PRDM16: variants seen among roughly 807,000 people sequenced by gnomAD.
PRDM16 encodes PR/SET domain 16.
In PRDM16, 23 loss-of-function variants were observed where a neutral mutation model predicts 110.6. That is an observed-to-expected ratio of 0.21 (90% CI 0.15 to 0.29). The LOEUF (loss-of-function observed/expected upper bound fraction) is 0.29. PRDM16 is among the 10% of genes least tolerant of loss of function. The probability of loss-of-function intolerance (pLI) is 1.00; values close to 1 mark genes in which losing one functional copy is unlikely to be tolerated. For missense variants in PRDM16, 1,615 were observed against 1,794.3 expected, an observed-to-expected ratio of 0.90 and a Z score of 1.81; for synonymous variants, 799 against 781.8, an observed-to-expected ratio of 1.02 and a Z score of -0.37.
intron 3 of PRDM16, among the ~76,000 whole-genome samples, chr1:3,296,367 G>A (rs60005551): frequency 0.19 from 29,153 of 152,144 alleles, 2,927 homozygotes; most frequent in East Asian, 0.32. Flanking sequence ...ACATAAACCC[G>A]TCCATTCTCC....
intron 2 of PRDM16, among the ~76,000 whole-genome samples, chr1:3,215,551 C>G (rs906736424): frequency 6.6e-6 from 1 of 152,050 alleles, no homozygotes; most frequent in Non-Finnish European, 1.5e-5. Flanking sequence ...AGCCAGCAAC[C>G]TGGCTGCAGC....
intron 1 of PRDM16, among the ~76,000 whole-genome samples, chr1:3,105,206 G>A (rs1470618998): frequency 6.6e-6 from 1 of 152,158 alleles, no homozygotes; most frequent in Non-Finnish European, 1.5e-5. Flanking sequence ...CTGGTGTCCT[G>A]AGGGCTTAGA....
In PRDM16 at chr1:3,265,255, T is replaced by C. The variant is rs1282709695; in HGVS notation, c.438+21118T>C. 9.9e-5 allele frequency among the ~76,000 whole-genome samples: 15 copies of C among 152,042 alleles called. No homozygotes were observed. Among genetic ancestry groups the C allele is most frequent in the Admixed American group, 2.0e-4 (3 of 15,272 alleles). On this transcript the variant is annotated intron_variant, in intron 3 of 16. Coordinates refer to ENST00000270722, the MANE Select transcript of PRDM16 (RefSeq NM_022114.4). The surrounding 1 kb of genome is among the most constrained non-coding windows in gnomAD (Gnocchi z 4.5). ...CATGGCTTGACAACAGCTTGTCCCT[T>C]ACGGTTGGGACAGAAGCCTCAGGGT...
intron 3 of PRDM16, among the ~76,000 whole-genome samples, chr1:3,294,283 G>C (rs911016294): frequency 6.6e-6 from 1 of 152,160 alleles, no homozygotes; most frequent in Non-Finnish European, 1.5e-5. Context: ...TGGAGTGGGG[G>C]TGTATCCAGG....
intron 12 of PRDM16, among the ~76,000 whole-genome samples, chr1:3,422,833 G>A (rs1347023426): frequency 6.6e-6 from 1 of 152,244 alleles, no homozygotes; most frequent in South Asian, 2.1e-4. Context: ...CCAAGCCAGG[G>A]CGCTGCCTGT....
Position 3,234,766 on chromosome 1 carries a change from C to T in PRDM16, c.388-9321C>T, listed in dbSNP as rs564771377. Among the ~76,000 whole-genome samples, 121 of 152,348 alleles carry T rather than the reference C, an allele frequency of 7.9e-4. 1 individual carries two copies. Among genetic ancestry groups the T allele is most frequent in the Middle Eastern group, 6.8e-3 (2 of 294 alleles). On this transcript the variant is annotated intron_variant, in intron 2 of 16. Transcript: ENST00000270722. ...AGCTCCCATTTTCCACTCACTGACT[C>T]ATGATTTATTATTCGGTAAATGCCA...
At chr1:3,095,630 A>T (rs1642378378) in intron 1 of PRDM16, among the ~76,000 whole-genome samples, 1 of 152,068 alleles carries the variant, frequency 6.6e-6, no homozygotes, top group Admixed American at 6.5e-5. Flanking sequence ...CAGATGCCCT[A>T]GGGACCCCTG....
chr1:3,407,680 G>A (rs900660736), intron 8 of PRDM16, among the ~76,000 whole-genome samples: 4 of 152,212 alleles, frequency 2.6e-5, no homozygotes, highest in East Asian at 1.9e-4. Context: ...GCCTGCAGAC[G>A]AGCGTTCTAA....
intron 3 of PRDM16, among the ~76,000 whole-genome samples, chr1:3,253,423 T>C (rs1474285987): frequency 6.9e-6 from 1 of 144,724 alleles, no homozygotes; most frequent in African/African-American, 2.6e-5. Context: ...GTGTTTTTAT[T>C]GTTCAATTCC....
intron 1 of PRDM16, among the ~76,000 whole-genome samples, chr1:3,136,484 C>T (rs1216655989): frequency 6.6e-6 from 1 of 152,178 alleles, no homozygotes; most frequent in Admixed American, 6.5e-5. Flanking sequence ...CACTGTTTCC[C>T]TGAATTACAG....
chr1:3,126,057 G>A (rs930105630), intron 1 of PRDM16, among the ~76,000 whole-genome samples: 2 of 152,214 alleles, frequency 1.3e-5, no homozygotes, highest in Non-Finnish European at 2.9e-5. Context: ...GGGCTGGCTC[G>A]TCCTTAGGTA....
At chr1:3,411,241 C>A (rs57382922) in intron 8 of PRDM16, 143 bp from the exon 9 acceptor site, 1 of 748,194 alleles carries the variant, frequency 1.3e-6, no homozygotes, top group Non-Finnish European at 2.2e-6. Flanking sequence ...CCCATGCCCA[C>A]GCACATGCAC....
intron 1 of PRDM16, among the ~76,000 whole-genome samples, chr1:3,098,662 C>T (rs543770959): frequency 1.3e-5 from 2 of 152,322 alleles, no homozygotes; most frequent in South Asian, 4.1e-4. Flanking sequence ...GCCTCAGTTT[C>T]TCTGGGGGAT....
Position 3,175,137 on chromosome 1 carries a change from G to A in PRDM16, c.38-10988G>A, listed in dbSNP as rs1242308638. ...AAAGCCAAGATCCAGGGCGAGGGGAGAAGCTATTGCCTTTACCGCACAGTT... is the reference window on the plus strand; with the variant it reads ...AAAGCCAAGATCCAGGGCGAGGGGAAAAGCTATTGCCTTTACCGCACAGTT... On this transcript the variant is annotated intron_variant, in intron 1 of 16. Coordinates refer to ENST00000270722, the MANE Select transcript of PRDM16 (RefSeq NM_022114.4). The surrounding 1 kb of genome is among the most constrained non-coding windows in gnomAD (Gnocchi z 4.8). 6.6e-6 allele frequency among the ~76,000 whole-genome samples: 1 copy of A among 152,200 alleles called. No individual in the cohort carries two copies. The highest frequency in any genetic ancestry group is 1.5e-5 in the Non-Finnish European group (1 of 68,038).
At chr1:3,283,106 C>T (rs975227074) in intron 3 of PRDM16, among the ~76,000 whole-genome samples, 20 of 152,190 alleles carry the variant, frequency 1.3e-4, no homozygotes, top group African/African-American at 4.8e-4. Flanking sequence ...CTGCCCCTCC[C>T]GACACTTGGT....
chr1:3,403,651 C>A (rs553680966), intron 6 of PRDM16, among the ~76,000 whole-genome samples: 2 of 152,200 alleles, frequency 1.3e-5, no homozygotes, highest in Non-Finnish European at 2.9e-5. Context: ...GGGGCCTGGG[C>A]GGCCTTGGGG....
Position 3,437,248 on chromosome 1 carries a change from GC to G in PRDM16, c.*3439del, listed in dbSNP as rs1373597834. 4.3e-6 allele frequency: 1 copy of G among 232,610 alleles called. No individual in the cohort carries two copies. The highest frequency in any genetic ancestry group is 6.0e-5 in the East Asian group (1 of 16,532). The allele number at this position is 232,610 out of a possible 1,614,324, so 14.4% of individuals were successfully genotyped here. A position where few individuals can be genotyped will look rare whatever the true frequency, so the allele number is the denominator to read the frequency against. ...AGCTGTCCCATCCAGACCCCGACTG[GC>G]CAAGACCTCCACGTCCCCAGAGTCC... On this transcript the variant is annotated 3_prime_UTR_variant, in exon 17 of 17. Coordinates refer to ENST00000270722, the MANE Select transcript of PRDM16 (RefSeq NM_022114.4).
Position 3,437,644 on chromosome 1 carries a change from A to G in PRDM16, c.*3833A>G, listed in dbSNP as rs532423481. The G allele has an allele frequency of 7.5e-5, 17 of 227,870 alleles. No individual in the cohort carries two copies. The South Asian group carries it at 2.9e-3, about 39-fold the overall frequency. 14.1% of individuals were successfully genotyped at this position (227,870 alleles called of 1,614,324 possible). Reference sequence around the variant, plus strand: ...CTGTAGCAATGAGTGATACTGTGACAAAACCATCCTTGCATTCTTCCTAGA... The same window carrying G: ...CTGTAGCAATGAGTGATACTGTGACGAAACCATCCTTGCATTCTTCCTAGA... On this transcript the variant is annotated 3_prime_UTR_variant, in exon 17 of 17. Coordinates refer to ENST00000270722, the MANE Select transcript of PRDM16 (RefSeq NM_022114.4).
intron 1 of PRDM16, among the ~76,000 whole-genome samples, chr1:3,082,148 T>C (rs1186667319): frequency 6.6e-6 from 1 of 152,158 alleles, no homozygotes; most frequent in Admixed American, 6.5e-5. Flanking sequence ...GGGAACTTGA[T>C]GGGCAGGAGG....
Sources: gnomAD v4.1 joint callset for allele counts (sites outside exome capture counted in the v4.1 genomes callset) on GRCh38, gnomAD v4.1.1 for gene constraint, Gnocchi (gnomAD v3.1) non-coding constraint, MANE v1.5 for transcripts, NCBI Gene and HGNC (gene_info 2026-07-23, HGNC 2026-07-21) for gene names.